Variants in IMMP1L observed in about 807,000 individuals in gnomAD.
IMMP1L encodes the protein inner mitochondrial membrane peptidase subunit 1.
IMMP1L carries 24 observed loss-of-function variants against 21.8 expected under a neutral mutation model. The observed-to-expected ratio is 1.10, with a 90% CI of 0.80 to 1.55. The LOEUF is 1.55. Ranked by LOEUF, IMMP1L falls within the 40% of genes most tolerant of loss-of-function variation. The probability of loss-of-function intolerance (pLI) is 0.00; values close to 1 mark genes in which losing one functional copy is unlikely to be tolerated. For synonymous variants in IMMP1L, 46 were observed against 62.8 expected, an observed-to-expected ratio of 0.73 and a Z score of 1.26; for missense variants, 195 against 200.7, an observed-to-expected ratio of 0.97 and a Z score of 0.17.
intron 1 of IMMP1L, among the ~76,000 whole-genome samples, chr11:31,504,111 A>G (rs1955710293): frequency 6.6e-6 from 1 of 152,250 alleles, no homozygotes; most frequent in East Asian, 1.9e-4. Context: ...AAATATTTAA[A>G]AGTAAAACAT....
chr11:31,439,306 C>A (rs1953237779), intron 4 of IMMP1L, among the ~76,000 whole-genome samples: 1 of 151,914 alleles, frequency 6.6e-6, no homozygotes. Context: ...TCCTTTCCTT[C>A]AGTTTGTATA....
intron 4 of IMMP1L, among the ~76,000 whole-genome samples, chr11:31,440,314 T>C (rs142851282): frequency 8.5e-4 from 130 of 152,322 alleles, no homozygotes; most frequent in African/African-American, 2.9e-3. Context: ...TTTCTAGTTG[T>C]TTATGGCAGG....
chr11:31,497,261 T>C (rs1427773890), intron 1 of IMMP1L, among the ~76,000 whole-genome samples: 1 of 151,792 alleles, frequency 6.6e-6, no homozygotes, highest in Non-Finnish European at 1.5e-5. Flanking sequence ...TAATATATGA[T>C]ACAAAATACA....
chr11:31,462,184 G>A (rs1954165725), intron 2 of IMMP1L, among the ~76,000 whole-genome samples: 1 of 151,872 alleles, frequency 6.6e-6, no homozygotes, highest in Non-Finnish European at 1.5e-5. Context: ...GCATGGTGAT[G>A]TGCGCCTGTA....
chr11:31,463,279 T>C lies in IMMP1L; in HGVS notation c.-3A>G, dbSNP rs777823531. On this transcript the variant is annotated 5_prime_UTR_variant, in exon 2 of 6. Transcript: ENST00000532287. ...TTCCCCAGAACACCACGAAGCATAG[T>C]TCTATGTAGACTCTGCCACCATTGG... The C allele has an allele frequency of 6.8e-6, 11 of 1,607,294 alleles. No homozygotes were observed. The East Asian group carries it at 2.5e-4, about 36-fold the overall frequency.
intron 3 of IMMP1L, among the ~76,000 whole-genome samples, chr11:31,459,621 T>G (rs1169802155): frequency 1.3e-5 from 2 of 152,154 alleles, no homozygotes; most frequent in East Asian, 3.9e-4. Flanking sequence ...TATTTTTTTG[T>G]GAGATGGAGT....
At chr11:31,456,579 TAA>T (rs1953945833) in intron 3 of IMMP1L, among the ~76,000 whole-genome samples, 193 bp from the exon 4 acceptor site, 1 of 152,008 alleles carries the variant, frequency 6.6e-6, no homozygotes, top group African/African-American at 2.4e-5. Context: ...AATCCAACAA[TAA>T]GAGTGATAAA....
chr11:31,483,482 C>T (rs888240408), intron 1 of IMMP1L, among the ~76,000 whole-genome samples: 1 of 151,980 alleles, frequency 6.6e-6, no homozygotes, highest in East Asian at 1.9e-4. Flanking sequence ...TAGTTAACTT[C>T]CTGGATGCTT....
intron 1 of IMMP1L, among the ~76,000 whole-genome samples, chr11:31,506,079 C>T (rs1955769351): frequency 6.6e-6 from 1 of 152,072 alleles, no homozygotes; most frequent in Admixed American, 6.6e-5. Context: ...CTTTATTGAC[C>T]TATTTGCCCA....
At chr11:31,451,172 C>T (rs1301265344) in intron 4 of IMMP1L, among the ~76,000 whole-genome samples, 1 of 152,050 alleles carries the variant, frequency 6.6e-6, no homozygotes, top group Non-Finnish European at 1.5e-5. Flanking sequence ...TGCAGGCCAC[C>T]ATAAGGCCTA....
intron 1 of IMMP1L, 28 bp downstream of exon 1, chr11:31,509,488 AAGG>A: frequency 2.2e-6 from 1 of 464,078 alleles, no homozygotes; most frequent in Non-Finnish European, 4.0e-6. Flanking sequence ...AGGCACTCAA[AAGG>A]AGAAGAACGT....
At chr11:31,449,787 G>A (rs1313642753) in intron 4 of IMMP1L, among the ~76,000 whole-genome samples, 1 of 152,110 alleles carries the variant, frequency 6.6e-6, no homozygotes, top group Non-Finnish European at 1.5e-5. Flanking sequence ...GACATCTATG[G>A]TACCAAAGAC....
intron 4 of IMMP1L, among the ~76,000 whole-genome samples, chr11:31,434,367 A>G (rs1214893130): frequency 2.0e-5 from 3 of 152,170 alleles, no homozygotes; most frequent in East Asian, 1.9e-4. Context: ...ACATTTGCCT[A>G]TTTCTGTTCA....
At chr11:31,475,638 A>G (rs1218005085) in intron 1 of IMMP1L, among the ~76,000 whole-genome samples, 1 of 152,196 alleles carries the variant, frequency 6.6e-6, no homozygotes, top group Non-Finnish European at 1.5e-5. Context: ...AATTCCCTTA[A>G]GTCTTACTGA....
chr11:31,450,643 T>C (rs1267882940), intron 4 of IMMP1L, among the ~76,000 whole-genome samples: 5 of 152,164 alleles, frequency 3.3e-5, no homozygotes, highest in African/African-American at 1.2e-4. Context: ...TCACTGGAAA[T>C]AGCTTAGCTT....
At chr11:31,459,596 A>AT (rs1433789549) in intron 3 of IMMP1L, among the ~76,000 whole-genome samples, 1 of 152,036 alleles carries the variant, frequency 6.6e-6, no homozygotes, top group Non-Finnish European at 1.5e-5. Flanking sequence ...TTGAAATAGG[A>AT]TTTTTTATCA....
intron 1 of IMMP1L, among the ~76,000 whole-genome samples, chr11:31,494,643 C>G (rs1955373207): frequency 6.6e-6 from 1 of 151,918 alleles, no homozygotes. Flanking sequence ...GCAAATTTTC[C>G]AAACTTTTTT....
chr11:31,474,978 A>C (rs1954680076), intron 1 of IMMP1L, among the ~76,000 whole-genome samples: 1 of 152,198 alleles, frequency 6.6e-6, no homozygotes, highest in African/African-American at 2.4e-5. Flanking sequence ...GAAGTCCAGT[A>C]AAGGACTTTG....
At chr11:31,438,303 A>T (rs1483911290) in intron 4 of IMMP1L, among the ~76,000 whole-genome samples, 1 of 152,198 alleles carries the variant, frequency 6.6e-6, no homozygotes, top group Non-Finnish European at 1.5e-5. Flanking sequence ...TTCTCTGATG[A>T]AAGCATTTTT....
Sources: allele counts gnomAD v4.1 joint callset (sites outside exome capture counted in the v4.1 genomes callset), GRCh38; gene constraint gnomAD v4.1.1; transcripts MANE v1.5; gene names NCBI Gene and HGNC (gene_info 2026-07-23, HGNC 2026-07-21).